Variants in MRC1 observed in about 807,000 individuals in gnomAD.
The protein encoded by MRC1 is macrophage mannose receptor 1.
Under a neutral mutation model 102.9 loss-of-function variants are expected in MRC1, and 62 were observed. The ratio of observed to expected loss-of-function variants is 0.60; its 90% CI spans 0.49 to 0.74. MRC1 has a LOEUF of 0.74. Among genes scored for constraint, MRC1 ranks in the 30% least tolerant of loss-of-function variants. The probability of loss-of-function intolerance (pLI) is 0.00; values close to 1 mark genes in which losing one functional copy is unlikely to be tolerated. For synonymous variants in MRC1, 457 were observed against 298.4 expected, an observed-to-expected ratio of 1.53 and a Z score of -5.48; for missense variants, 1,237 against 862.8, an observed-to-expected ratio of 1.43 and a Z score of -5.43.
chr10:17,874,530 G>C (rs1004176173), intron 16 of MRC1, among the ~76,000 whole-genome samples: 2 of 152,190 alleles, frequency 1.3e-5, no homozygotes, highest in East Asian at 3.9e-4. Flanking sequence ...AACATTCATA[G>C]GTTCCAGGGG....
chr10:17,833,568 AAG>A lies in MRC1; in HGVS notation c.638-105_638-104del, dbSNP rs1838614632. 4 of 741,072 alleles carry A rather than the reference AAG, an allele frequency of 5.4e-6. No individual in the cohort carries two copies. The Admixed American group carries it at 6.2e-5, about 11-fold the overall frequency. 45.9% of individuals were successfully genotyped at this position (741,072 alleles called of 1,614,324 possible). ...AAGGGGGAAAAAAAGAAAGGAAAGA[AAG>A]AAAGTGCTTCAGGCAAAAATGCTCC... On this transcript the variant is annotated intron_variant, in intron 3 of 29. Coordinates refer to ENST00000569591, the MANE Select transcript of MRC1 (RefSeq NM_002438.4).
chr10:17,861,537 T>C, intron 10 of MRC1, 35 bp downstream of exon 10: 1 of 846,702 alleles, frequency 1.2e-6, no homozygotes, highest in Non-Finnish European at 2.1e-6. Context: ...TTAAAATATG[T>C]CAAATAGAAA....
intron 5 of MRC1, 72 bp from the exon 6 acceptor site, chr10:17,845,217 G>A: frequency 2.6e-6 from 2 of 780,600 alleles, no homozygotes; most frequent in Non-Finnish European, 4.8e-6. Flanking sequence ...AAGACATGAG[G>A]AGACGTGGGA....
intron 10 of MRC1, among the ~76,000 whole-genome samples, chr10:17,862,245 A>G (rs1833195563): frequency 1.3e-5 from 2 of 152,212 alleles, no homozygotes. Context: ...GATAAAAATG[A>G]GAGATGTCAT....
At chr10:17,908,795 C>T (rs973906840) in intron 28 of MRC1, among the ~76,000 whole-genome samples, 3 of 152,146 alleles carry the variant, frequency 2.0e-5, no homozygotes, top group East Asian at 1.9e-4. Context: ...TCTCGAACTC[C>T]GGACCTCAGG....
chr10:17,831,085 A>G (rs1589167973), intron 3 of MRC1, among the ~76,000 whole-genome samples: 1 of 147,874 alleles, frequency 6.8e-6, no homozygotes, highest in South Asian at 2.1e-4. Context: ...TTTAGTAGAG[A>G]CGGAGTTTCA....
chr10:17,844,422 G>C (rs1261201055), intron 5 of MRC1, among the ~76,000 whole-genome samples: 2 of 151,768 alleles, frequency 1.3e-5, no homozygotes, highest in East Asian at 3.9e-4. Context: ...GTTTCATTAT[G>C]TTGGCCAGGC....
Position 17,900,895 on chromosome 10 carries a change from C to T in MRC1, c.3591C>T (p.Gly1197=). ...KSACVYLDLD[G]YWKTAHCNES... ...CATGTGTTTATCTGGATCTTGATGG[C>T]TACTGGAAGACAGCACATTGCAATG... Residue 1197 remains glycine, a synonymous_variant, in exon 25 of 30, where the codon GGC becomes GGT. Transcript: ENST00000569591. 1.3e-6 allele frequency: 1 copy of T among 780,766 alleles called. No homozygotes were observed. The highest frequency in any genetic ancestry group is 2.4e-6 in the Non-Finnish European group (1 of 417,934). 48.4% of individuals were successfully genotyped at this position (780,766 alleles called of 1,614,324 possible). A position where few individuals can be genotyped will look rare whatever the true frequency, so the allele number is the denominator to read the frequency against.
In MRC1 at chr10:17,871,842, C is replaced by T. The variant is rs1242970363; in HGVS notation, c.2200-140C>T. The stretch of plus-strand genomic sequence containing the variant: ...TTTTCTACTACGTTTGTGAACTGTG[C>T]TTTCAAAGCAAAGCTATTGTGAAAA... On this transcript the variant is annotated intron_variant, in intron 14 of 29. Transcript: ENST00000569591. 3 of 685,496 alleles carry T rather than the reference C, an allele frequency of 4.4e-6. No individual in the cohort carries two copies. The African/African-American group carries it at 5.4e-5, about 12-fold the overall frequency. 42.5% of individuals were successfully genotyped at this position (685,496 alleles called of 1,614,324 possible).
intron 2 of MRC1, among the ~76,000 whole-genome samples, chr10:17,824,754 T>G (rs1180176814): frequency 6.6e-6 from 1 of 152,148 alleles, no homozygotes; most frequent in Non-Finnish European, 1.5e-5. Context: ...ATTGAGGAGT[T>G]TAACTTGAGG....
chr10:17,872,081 A>G lies in MRC1; in HGVS notation c.2299A>G (p.Ile767Val), dbSNP rs1833361894. Residue 767 changes from isoleucine (I) to valine (V), a missense_variant, in exon 15 of 30, where the codon ATT (isoleucine) becomes GTT (valine). Transcript: ENST00000569591. ...KGDPTMSWND[I>V]NCEHLNNWIC... ...TGACCCTACTATGTCTTGGAATGAT[A>G]TTAATTGTGAACACCTTAACAACTG... 1.3e-6 allele frequency: 1 copy of G among 780,576 alleles called. No homozygotes were observed. Among genetic ancestry groups the G allele is most frequent in the South Asian group, 1.3e-5 (1 of 74,616 alleles). The allele number at this position is 780,576 out of a possible 1,614,324, so 48.4% of individuals were successfully genotyped here. A position where few individuals can be genotyped will look rare whatever the true frequency, so the allele number is the denominator to read the frequency against.
At chr10:17,828,892 G>A (rs928538020) in intron 3 of MRC1, among the ~76,000 whole-genome samples, 2 of 151,416 alleles carry the variant, frequency 1.3e-5, no homozygotes, top group Non-Finnish European at 2.9e-5. Context: ...GGAGGAGGGC[G>A]TCATGTTGAA....
intron 2 of MRC1, among the ~76,000 whole-genome samples, chr10:17,826,468 C>G (rs1010129289): frequency 9.8e-5 from 15 of 152,304 alleles, no homozygotes; most frequent in Admixed American, 6.5e-5. Context: ...TCTCAAAGCG[C>G]TGGGATTGCA....
chr10:17,874,637 A>G (rs1833402050), intron 16 of MRC1, among the ~76,000 whole-genome samples: 1 of 151,802 alleles, frequency 6.6e-6, no homozygotes, highest in African/African-American at 2.4e-5. Context: ...GGCCCACTTG[A>G]TACGTGAATT....
At chr10:17,874,993 A>G (rs1234495225) in intron 16 of MRC1, 97 bp from the exon 17 acceptor site, 10 of 769,234 alleles carry the variant, frequency 1.3e-5, no homozygotes, top group Non-Finnish European at 2.2e-5. Flanking sequence ...GCCTCTTGAT[A>G]TAGCAGCTCT....
intron 6 of MRC1, among the ~76,000 whole-genome samples, chr10:17,847,749 T>C (rs1838847099): frequency 1.3e-5 from 2 of 152,214 alleles, no homozygotes; most frequent in Admixed American, 1.3e-4. Context: ...GGAACTCCCC[T>C]TCATTTCACT....
intron 29 of MRC1, 35 bp downstream of exon 29, chr10:17,909,382 G>A: frequency 1.2e-6 from 1 of 847,440 alleles, no homozygotes; most frequent in Non-Finnish European, 2.1e-6. Context: ...TTCTGTGTTA[G>A]TAATACATCC....
intron 1 of MRC1, among the ~76,000 whole-genome samples, chr10:17,814,617 A>G (rs1375147851): frequency 7.0e-6 from 1 of 143,626 alleles, no homozygotes; most frequent in Non-Finnish European, 1.5e-5. Flanking sequence ...ATAACCCTCC[A>G]CACCACATCC....
chr10:17,879,471 A>G (rs894945911), intron 18 of MRC1, among the ~76,000 whole-genome samples: 1 of 152,152 alleles, frequency 6.6e-6, no homozygotes, highest in Non-Finnish European at 1.5e-5. Flanking sequence ...CTCCTGCCTC[A>G]GCCTCCTGAG....
Sources: gnomAD v4.1 joint callset for allele counts (sites outside exome capture counted in the v4.1 genomes callset) on GRCh38, gnomAD v4.1.1 for gene constraint, MANE v1.5 for transcripts, NCBI Gene and HGNC (gene_info 2026-07-23, HGNC 2026-07-21) for gene names.